The following RUNX1 variants were observed in gnomAD, a reference collection of about 807,000 sequenced individuals.
RUNX1 encodes runt-related transcription factor 1.
Under a neutral mutation model 42.8 loss-of-function variants are expected in RUNX1, and 19 were observed. The observed-to-expected ratio is 0.44, with a 90% CI of 0.31 to 0.65. The LOEUF is 0.65. Among genes scored for constraint, RUNX1 ranks in the 30% least tolerant of loss-of-function variants. RUNX1 has a pLI of 0.07. For synonymous variants in RUNX1, 271 were observed against 289.4 expected (o/e 0.94, Z 0.64); for missense variants, 528 against 672.0 (o/e 0.79, Z 2.37).
At chr21:35,031,290 G>A (rs1356713505) in intron 2 of RUNX1, among the ~76,000 whole-genome samples, 2 of 152,234 alleles carry the variant, frequency 1.3e-5, no homozygotes, top group Non-Finnish European at 2.9e-5. Context: ...AGACGTTGCG[G>A]TGAGCCGAGA....
chr21:34,933,358 T>C (rs1180857597), intron 2 of RUNX1, among the ~76,000 whole-genome samples: 1 of 152,196 alleles, frequency 6.6e-6, no homozygotes. Context: ...TCAAATTACA[T>C]CCAGAGCTAG....
chr21:35,034,280 G>T (rs1265660199), intron 2 of RUNX1, among the ~76,000 whole-genome samples: 1 of 152,230 alleles, frequency 6.6e-6, no homozygotes, highest in Non-Finnish European at 1.5e-5. Context: ...CAGAGTCATG[G>T]CTGCCTTTTC....
At chr21:34,938,847 T>C (rs1255502601) in intron 2 of RUNX1, among the ~76,000 whole-genome samples, 2 of 152,298 alleles carry the variant, frequency 1.3e-5, no homozygotes, top group East Asian at 3.9e-4. Flanking sequence ...TAACTTTTCA[T>C]CAGATAGGCT....
At chr21:34,871,076 G>A (rs1034258496) in intron 5 of RUNX1, among the ~76,000 whole-genome samples, 2 of 152,190 alleles carry the variant, frequency 1.3e-5, no homozygotes, top group African/African-American at 4.8e-5. Context: ...TTAAAGGCTG[G>A]ATCTCTTGAT....
intron 2 of RUNX1, among the ~76,000 whole-genome samples, chr21:35,004,288 C>T (rs1421434592): frequency 6.6e-6 from 1 of 152,198 alleles, no homozygotes; most frequent in Non-Finnish European, 1.5e-5. Context: ...TGTGGTTGTG[C>T]CAGAACTTTC....
At chr21:35,023,787 A>G (rs966830719) in intron 2 of RUNX1, among the ~76,000 whole-genome samples, 1 of 152,168 alleles carries the variant, frequency 6.6e-6, no homozygotes, top group Non-Finnish European at 1.5e-5. Flanking sequence ...AAGTGGGTAC[A>G]CAATTGAGGA....
intron 4 of RUNX1, among the ~76,000 whole-genome samples, chr21:34,885,350 A>G (rs1205065891): frequency 6.6e-6 from 1 of 152,196 alleles, no homozygotes; most frequent in Non-Finnish European, 1.5e-5. Context: ...GAGTCCATTT[A>G]GGCAAAGGGT....
At chr21:34,986,162 C>A (rs1344645624) in intron 2 of RUNX1, among the ~76,000 whole-genome samples, 1 of 152,078 alleles carries the variant, frequency 6.6e-6, no homozygotes, top group Non-Finnish European at 1.5e-5. Context: ...AACCATTGCA[C>A]CCAGCCCAGA....
intron 6 of RUNX1, among the ~76,000 whole-genome samples, chr21:34,852,811 G>A (rs998091095): frequency 1.3e-5 from 2 of 152,160 alleles, no homozygotes; most frequent in African/African-American, 4.8e-5. Context: ...GAATTCAAGG[G>A]AAGAGGAATT....
intron 2 of RUNX1, among the ~76,000 whole-genome samples, chr21:34,912,649 C>T (rs375335843): frequency 3.9e-5 from 6 of 152,216 alleles, no homozygotes; most frequent in East Asian, 1.9e-4. Context: ...TCTTTTTACA[C>T]CCTCAGAAGA....
chr21:34,890,775 G>A (rs2058072443), intron 3 of RUNX1, among the ~76,000 whole-genome samples: 1 of 122,538 alleles, frequency 8.2e-6, no homozygotes. Context: ...TCCCTGAGAA[G>A]AGTGCATCGC....
At chr21:34,982,097 G>A (rs915672695) in intron 2 of RUNX1, among the ~76,000 whole-genome samples, 2 of 152,150 alleles carry the variant, frequency 1.3e-5, no homozygotes, top group Non-Finnish European at 2.9e-5. Context: ...CATTTCATCC[G>A]CAGGTCACTA....
intron 7 of RUNX1, 45 bp from the exon 8 acceptor site, chr21:34,799,507 A>G: frequency 6.4e-7 from 1 of 1,564,814 alleles, no homozygotes; most frequent in Non-Finnish European, 8.8e-7. Context: ...GTGGGGTGGG[A>G]TTTAAAAAAT....
chr21:34,978,420 T>G (rs1303988223), intron 2 of RUNX1, among the ~76,000 whole-genome samples: 1 of 152,234 alleles, frequency 6.6e-6, no homozygotes, highest in Non-Finnish European at 1.5e-5. Flanking sequence ...TAAACTTTCC[T>G]TTCATTTTTA....
intron 2 of RUNX1, among the ~76,000 whole-genome samples, chr21:34,955,359 T>C (rs2058636915): frequency 3.3e-5 from 5 of 152,118 alleles, no homozygotes; most frequent in Admixed American, 3.3e-4. Context: ...ATCTGGCCCA[T>C]GGTAAGTGCT....
chr21:34,974,815 T>C (rs189524602), intron 2 of RUNX1, among the ~76,000 whole-genome samples: 137 of 152,332 alleles, frequency 9.0e-4, no homozygotes, highest in African/African-American at 3.2e-3. Flanking sequence ...AACAAATCTG[T>C]TTTTGTGAGT....
At chr21:34,945,563 C>T (rs528376425) in intron 2 of RUNX1, among the ~76,000 whole-genome samples, 2 of 152,294 alleles carry the variant, frequency 1.3e-5, no homozygotes, top group Admixed American at 1.3e-4. Context: ...GTCAAAGTAC[C>T]ACCAGTTGAT....
At chr21:34,973,545 T>G (rs926787415) in intron 2 of RUNX1, among the ~76,000 whole-genome samples, 7 of 152,248 alleles carry the variant, frequency 4.6e-5, no homozygotes, top group African/African-American at 1.7e-4. Flanking sequence ...TGTATTGATA[T>G]AATAAATGTT....
Position 34,918,127 on chromosome 21 carries a change from CAAAAAAAAA to C in RUNX1, c.59-25173_59-25165del, listed in dbSNP as rs71324335. 3.1e-3 allele frequency among the ~76,000 whole-genome samples: 222 copies of C among 71,266 alleles called. 1 individual carries two copies. The highest frequency in any genetic ancestry group is 0.011 in the African/African-American group (189 of 16,764). The allele number at this position is 71,266 out of a possible 152,430, so 46.8% of individuals were successfully genotyped here. On this transcript the variant is annotated intron_variant, in intron 2 of 8. Coordinates refer to ENST00000675419, the MANE Select transcript of RUNX1 (RefSeq NM_001754.5). ...TGGGTGACAGGGTGAGACTCTGTCTCAAAAAAAAAAAAAAAAAAAAAAGTCCTTGGCTTT... is the reference window on the plus strand; with the variant it reads ...TGGGTGACAGGGTGAGACTCTGTCTCAAAAAAAAAAAAAGTCCTTGGCTTT...
Sources: allele counts gnomAD v4.1 joint callset (sites outside exome capture counted in the v4.1 genomes callset), GRCh38; gene constraint gnomAD v4.1.1; transcripts MANE v1.5; gene names NCBI Gene and HGNC (gene_info 2026-07-23, HGNC 2026-07-21).